DNAH17: variants seen among roughly 807,000 people sequenced by gnomAD.
DNAH17 encodes dynein axonemal heavy chain 17.
DNAH17 carries 376 observed loss-of-function variants against 485.6 expected under a neutral mutation model. The ratio of observed to expected loss-of-function variants is 0.77; its 90% CI spans 0.71 to 0.84. The LOEUF (loss-of-function observed/expected upper bound fraction) is 0.84, where lower values mean the gene tolerates loss of function less well. Ranked by LOEUF, DNAH17 falls within the 40% of genes least tolerant of loss-of-function variation. The pLI, the probability that DNAH17 is intolerant of heterozygous loss-of-function variation, is 0.00. For synonymous variants in DNAH17, 3,031 were observed against 2,405.9 expected (o/e 1.26, Z -7.60); for missense variants, 6,370 against 5,839.3 (o/e 1.09, Z -2.96).
At chr17:78,432,414 C>T (rs2086708132) in intron 75 of DNAH17, among the ~76,000 whole-genome samples, 1 of 152,082 alleles carries the variant, frequency 6.6e-6, no homozygotes, top group Non-Finnish European at 1.5e-5. Flanking sequence ...TGCCTTTCCC[C>T]AGTGGCATCT....
chr17:78,424,727 T>G (rs56716368), intron 80 of DNAH17, among the ~76,000 whole-genome samples: 6 of 152,010 alleles, frequency 3.9e-5, no homozygotes, highest in Non-Finnish European at 8.8e-5. Context: ...CCACAGGTAA[T>G]GGGGTGACGT....
Position 78,571,695 on chromosome 17 carries a change from G to T in DNAH17, c.627C>A (p.Ser209Arg). 1 of 1,613,968 alleles carries T rather than the reference G, an allele frequency of 6.2e-7. No homozygotes were observed. Among genetic ancestry groups the T allele is most frequent in the Non-Finnish European group, 8.5e-7 (1 of 1,179,854 alleles). Residue 209 changes from serine to arginine, a missense_variant, in exon 4 of 81, where the codon AGC (serine) becomes AGA (arginine). Transcript: ENST00000389840. ...DWSHQIRDVL[S>R]KDSAQALLDG... ...CCAGCAGCGCCTGGGCTGAGTCTTT[G>T]CTCAGCACATCCCGGATCTGGTGGG... is the stretch of plus-strand genomic sequence containing the variant.
intron 11 of DNAH17, among the ~76,000 whole-genome samples, chr17:78,565,115 G>A (rs907447307): frequency 5.9e-5 from 9 of 152,082 alleles, no homozygotes; most frequent in Non-Finnish European, 8.8e-5. Context: ...TTCTATCCAT[G>A]GACTCCCACC....
Position 78,575,523 on chromosome 17 carries a change from C to T in DNAH17, c.-25-441G>A, listed in dbSNP as rs147548444. On this transcript the variant is annotated intron_variant, in intron 1 of 80. Coordinates refer to ENST00000389840, the MANE Select transcript of DNAH17 (RefSeq NM_173628.4). Reference sequence around the variant, plus strand: ...TCGCAGCCCCAGAGTATGTGTGAAACGCAAGAAGGAAGCAGACCCCACGTG... The same window carrying T: ...TCGCAGCCCCAGAGTATGTGTGAAATGCAAGAAGGAAGCAGACCCCACGTG... 1.2e-3 allele frequency among the ~76,000 whole-genome samples: 189 copies of T among 152,284 alleles called. 3 individuals carry two copies. The East Asian group carries it at 0.032, about 26-fold the overall frequency.
intron 47 of DNAH17, 92 bp from the exon 48 acceptor site, chr17:78,485,125 A>C: frequency 1.4e-6 from 2 of 1,449,242 alleles, no homozygotes; most frequent in Non-Finnish European, 1.8e-6. Flanking sequence ...CCCGGAGGAC[A>C]GAAGGTGGGA....
chr17:78,525,216 C>A (rs2091035833), intron 24 of DNAH17, 55 bp from the exon 25 acceptor site: 1 of 1,580,082 alleles, frequency 6.3e-7, no homozygotes. Context: ...CGGTGCCCCA[C>A]CCCACTCCCC....
At chr17:78,516,972 A>G (rs2090802997) in intron 25 of DNAH17, among the ~76,000 whole-genome samples, 2 of 152,258 alleles carry the variant, frequency 1.3e-5, no homozygotes, top group Admixed American at 1.3e-4. Context: ...AATTTTCCTC[A>G]AATGAGTTAA....
At chr17:78,498,353 C>G (rs966522768) in intron 37 of DNAH17, among the ~76,000 whole-genome samples, 1 of 152,090 alleles carries the variant, frequency 6.6e-6, no homozygotes, top group East Asian at 1.9e-4. Context: ...TGTCCCAGGC[C>G]GCTAGGTCGG....
chr17:78,453,929 A>G (rs2146504637), intron 64 of DNAH17, among the ~76,000 whole-genome samples: 1 of 152,152 alleles, frequency 6.6e-6, no homozygotes, highest in South Asian at 2.1e-4. Flanking sequence ...GCTGGGCTCA[A>G]ACTCCTGAGC....
intron 37 of DNAH17, chr17:78,497,093 T>C (rs2090102101): frequency 6.6e-6 from 1 of 152,236 alleles, no homozygotes. Context: ...AGCCCTTTTC[T>C]GTCCTGTTAC....
chr17:78,454,719 C>A lies in DNAH17; in HGVS notation c.10171-14G>T. On this transcript the variant is annotated splice_polypyrimidine_tract_variant and intron_variant, in intron 63 of 80. Coordinates refer to ENST00000389840, the MANE Select transcript of DNAH17 (RefSeq NM_173628.4). ...CGGGATGGGGACCTGCCCAGGGAGG[C>A]ACACTTTCTTAGAGGGGGTAATGCG... The A allele has an allele frequency of 6.2e-7, 1 of 1,605,300 alleles. No individual in the cohort carries two copies. The highest frequency in any genetic ancestry group is 8.5e-7 in the Non-Finnish European group (1 of 1,175,712).
intron 18 of DNAH17, among the ~76,000 whole-genome samples, chr17:78,538,284 C>T (rs552688219): frequency 4.6e-5 from 7 of 152,164 alleles, no homozygotes; most frequent in Admixed American, 6.6e-5. Context: ...TGGAAGTCCC[C>T]GTTTACAGAG....
rs948698868 is a variant in DNAH17, at chr17:78,576,275, C to T, written c.-26+1020G>A. The stretch of plus-strand genomic sequence containing the variant: ...TTATTTCACCCTGGCCACTATATAT[C>T]GGCAAAACAACTATATGATGGGAAG... On this transcript the variant is annotated intron_variant, in intron 1 of 80. Transcript: ENST00000389840. Among the ~76,000 whole-genome samples, 14 of 152,250 alleles carry T rather than the reference C, an allele frequency of 9.2e-5. No individual in the cohort carries two copies. The South Asian group carries it at 1.0e-3, about 11-fold the overall frequency.
At chr17:78,467,117 T>C (rs538337223) in intron 55 of DNAH17, among the ~76,000 whole-genome samples, 2 of 152,208 alleles carry the variant, frequency 1.3e-5, no homozygotes, top group South Asian at 2.1e-4. Flanking sequence ...ATTGGGCAGA[T>C]GAGGCCCCAG....
In DNAH17 at chr17:78,561,773, G is replaced by C; in HGVS notation, c.1777C>G (p.Leu593Val). Residue 593 changes from leucine (L) to valine (V), a missense_variant, in exon 12 of 81, where the codon CTG becomes GTG. Physicochemically the swap from Leu to Val is conservative, Grantham distance 32 (BLOSUM62 1). Transcript: ENST00000389840. ...ACCTCTAGCCTCTCCTGCAGCTCCA[G>C]GCTCCATTTGAGCTGCCCGGCCACG... ...PPVAGQLKWS[L>V]ELQERLEVSM... 6.2e-7 allele frequency: 1 copy of C among 1,613,330 alleles called. No homozygotes were observed.
At chr17:78,562,326 G>A (rs2092174653) in intron 11 of DNAH17, among the ~76,000 whole-genome samples, 1 of 152,182 alleles carries the variant, frequency 6.6e-6, no homozygotes. Context: ...GCTCACACCT[G>A]TTATTCCAAC....
chr17:78,531,110 T>C (rs2143308371), intron 20 of DNAH17, among the ~76,000 whole-genome samples: 1 of 152,332 alleles, frequency 6.6e-6, no homozygotes, highest in African/African-American at 2.4e-5. Flanking sequence ...TGATTTTCTG[T>C]CTAGATGATC....
intron 27 of DNAH17, among the ~76,000 whole-genome samples, chr17:78,508,691 A>G (rs1296653692): frequency 6.6e-6 from 1 of 152,146 alleles, no homozygotes; most frequent in Non-Finnish European, 1.5e-5. Flanking sequence ...AGAGCTGGAG[A>G]TGGGGACATG....
At chr17:78,500,483 C>T (rs940186965) in intron 35 of DNAH17, 22 bp from the exon 36 acceptor site, 25 of 1,544,014 alleles carry the variant, frequency 1.6e-5, no homozygotes, top group Admixed American at 6.5e-5. Context: ...CACAGGTAAG[C>T]GTGTGTGCCA....
Sources: gnomAD v4.1 joint callset for allele counts (sites outside exome capture counted in the v4.1 genomes callset) on GRCh38, gnomAD v4.1.1 for gene constraint, MANE v1.5 for transcripts, NCBI Gene and HGNC (gene_info 2026-07-23, HGNC 2026-07-21) for gene names.